Variants in SDCCAG8 observed in about 807,000 individuals in gnomAD.
SDCCAG8 encodes the protein SHH signaling and ciliogenesis regulator SDCCAG8, also known as serologically defined colon cancer antigen 8.
SDCCAG8 carries 74 observed loss-of-function variants against 101.8 expected under a neutral mutation model. The observed-to-expected ratio is 0.73, with a 90% CI of 0.60 to 0.88. The LOEUF is 0.88. Among genes scored for constraint, SDCCAG8 ranks in the 40% least tolerant of loss-of-function variants. The pLI is 0.00. For synonymous variants in SDCCAG8, 281 were observed against 292.9 expected (o/e 0.96, Z 0.41); for missense variants, 787 against 822.6 (o/e 0.96, Z 0.53).
intron 17 of SDCCAG8, among the ~76,000 whole-genome samples, chr1:243,495,898 G>A (rs572465883): frequency 2.7e-4 from 41 of 152,236 alleles, no homozygotes; most frequent in African/African-American, 9.1e-4. Context: ...GGAGAGCCTC[G>A]CATGGGAGAG....
At chr1:243,440,855 G>A (rs72759879) in intron 16 of SDCCAG8, among the ~76,000 whole-genome samples, 2,728 of 152,298 alleles carry the variant, frequency 0.018, 36 homozygotes, top group Middle Eastern at 0.034. Flanking sequence ...TTTTGGCCGT[G>A]TGTAGCATGC....
At chr1:243,309,064 AC>A (rs372503703) in intron 8 of SDCCAG8, among the ~76,000 whole-genome samples, 130 of 152,176 alleles carry the variant, frequency 8.5e-4, no homozygotes, top group African/African-American at 3.1e-3. Flanking sequence ...CCATGTCCTG[AC>A]CTTCAACAAA....
intron 17 of SDCCAG8, among the ~76,000 whole-genome samples, chr1:243,492,341 A>ACC (rs1244112788): frequency 5.4e-5 from 6 of 110,574 alleles, no homozygotes; most frequent in Middle Eastern, 0.012. Context: ...TTGCTCCGTC[A>ACC]CCCGGACTGG....
At chr1:243,271,089 C>T in intron 3 of SDCCAG8, 26 bp downstream of exon 3, 3 of 1,473,610 alleles carry the variant, frequency 2.0e-6, no homozygotes, top group Non-Finnish European at 2.9e-6. Flanking sequence ...TCCAAGTTGA[C>T]AAAGCATTCC....
At chr1:243,337,034 T>G (rs1354095873) in intron 10 of SDCCAG8, among the ~76,000 whole-genome samples, 4 of 152,178 alleles carry the variant, frequency 2.6e-5, no homozygotes, top group Non-Finnish European at 5.9e-5. Context: ...TGGGTTTTGT[T>G]GCAATTGCTT....
intron 1 of SDCCAG8, chr1:243,267,867 C>G (rs991105642): frequency 8.7e-7 from 1 of 1,151,496 alleles, no homozygotes; most frequent in Non-Finnish European, 1.3e-6. Flanking sequence ...TGCACTAAGT[C>G]CAGTTTGGCT....
intron 6 of SDCCAG8, among the ~76,000 whole-genome samples, chr1:243,300,230 A>G (rs1684049848): frequency 6.6e-6 from 1 of 152,140 alleles, no homozygotes; most frequent in Admixed American, 6.6e-5. Context: ...CTTTAGTACC[A>G]GTATTCACTT....
intron 1 of SDCCAG8, among the ~76,000 whole-genome samples, chr1:243,260,274 G>A (rs1436666348): frequency 6.6e-6 from 1 of 152,188 alleles, no homozygotes; most frequent in Non-Finnish European, 1.5e-5. Context: ...GGGAACCACA[G>A]AATTTAATCT....
intron 16 of SDCCAG8, among the ~76,000 whole-genome samples, chr1:243,457,285 C>A (rs1209195774): frequency 6.6e-6 from 1 of 152,130 alleles, no homozygotes; most frequent in African/African-American, 2.4e-5. Context: ...GTCATGTCAA[C>A]AATGAAAATT....
chr1:243,305,186 T>C, intron 7 of SDCCAG8: 1 of 180,836 alleles, frequency 5.5e-6, no homozygotes, highest in South Asian at 1.0e-4. Context: ...GTGCCTGTAG[T>C]CCCAGCTACT....
At chr1:243,361,949 C>T (rs564882694) in intron 12 of SDCCAG8, among the ~76,000 whole-genome samples, 2 of 152,110 alleles carry the variant, frequency 1.3e-5, no homozygotes, top group African/African-American at 2.4e-5. Context: ...ATTCAGTGCC[C>T]CAGTGCCCTG....
intron 10 of SDCCAG8, among the ~76,000 whole-genome samples, chr1:243,338,486 A>G: frequency 6.6e-6 from 1 of 151,114 alleles, no homozygotes; most frequent in African/African-American, 2.4e-5. Context: ...TTCTACCTAG[A>G]CAGGTTTGAA....
chr1:243,396,027 A>G (rs1393998718), intron 13 of SDCCAG8, among the ~76,000 whole-genome samples: 1 of 152,150 alleles, frequency 6.6e-6, no homozygotes, highest in African/African-American at 2.4e-5. Context: ...TTAAGTTCAC[A>G]TTTGTAACAG....
rs1337759428 is a variant in SDCCAG8, at chr1:243,426,563, T to C, written c.1985+5T>C. 6.8e-6 allele frequency: 11 copies of C among 1,613,946 alleles called. No homozygotes were observed. The highest frequency in any genetic ancestry group is 9.3e-6 in the Non-Finnish European group (11 of 1,179,886). On this transcript the variant is annotated splice_donor_5th_base_variant and intron_variant, in intron 16 of 17. Coordinates refer to ENST00000366541, the MANE Select transcript of SDCCAG8 (RefSeq NM_006642.5). ...ACATGAGACGATGAAGCAAAGGTAATCAAGGTTTCATGTCAACTCATGTGC... is the reference window on the plus strand; with the variant it reads ...ACATGAGACGATGAAGCAAAGGTAACCAAGGTTTCATGTCAACTCATGTGC...
rs1573445816 is a variant in SDCCAG8, at chr1:243,344,323, A to G, written c.1465A>G (p.Lys489Glu). ...AAAAACTAACAGGGATCTTGAAATT[A>G]AAGATCAGGTAAGAGAGGACACAGC... ...RAKTNRDLEI[K>E]DQEIEKLRIE... Residue 489 changes from lysine to glutamate, a missense_variant, in exon 12 of 18, where the codon AAA (lysine) becomes GAA (glutamate). Transcript: ENST00000366541. 2 of 1,603,570 alleles carry G rather than the reference A, an allele frequency of 1.2e-6. No homozygotes were observed. Among genetic ancestry groups the G allele is most frequent in the African/African-American group, 2.7e-5 (2 of 74,724 alleles).
chr1:243,265,828 C>T (rs1472177372), intron 1 of SDCCAG8, among the ~76,000 whole-genome samples: 1 of 151,198 alleles, frequency 6.6e-6, no homozygotes, highest in Admixed American at 6.6e-5. Flanking sequence ...AAAAAAAAAA[C>T]TCCTGCCTTT....
intron 17 of SDCCAG8, among the ~76,000 whole-genome samples, chr1:243,495,256 T>G (rs1035293645): frequency 6.6e-6 from 1 of 152,154 alleles, no homozygotes; most frequent in Non-Finnish European, 1.5e-5. Flanking sequence ...GCCGCCTCCC[T>G]CTCCCCGCCA....
At chr1:243,496,556 A>C (rs550200273) in intron 17 of SDCCAG8, among the ~76,000 whole-genome samples, 1 of 152,340 alleles carries the variant, frequency 6.6e-6, no homozygotes, top group East Asian at 1.9e-4. Flanking sequence ...CAGGGGGGGA[A>C]GGGGTTGTTA....
At chr1:243,435,122 T>TA (rs1181823821) in intron 16 of SDCCAG8, among the ~76,000 whole-genome samples, 2 of 152,210 alleles carry the variant, frequency 1.3e-5, no homozygotes. Flanking sequence ...TTATGGAACT[T>TA]ACATGCTTTA....
Sources: allele counts gnomAD v4.1 joint callset (sites outside exome capture counted in the v4.1 genomes callset), GRCh38; gene constraint gnomAD v4.1.1; transcripts MANE v1.5; gene names NCBI Gene and HGNC (gene_info 2026-07-23, HGNC 2026-07-21).